Variants in RCL1 observed in about 807,000 individuals in gnomAD.
RCL1 encodes the protein RNA 3'-terminal phosphate cyclase-like protein.
Under a neutral mutation model 42.4 loss-of-function variants are expected in RCL1, and 24 were observed. The observed-to-expected ratio is 0.57, with a 90% CI of 0.41 to 0.80. The LOEUF (loss-of-function observed/expected upper bound fraction) is 0.80, where lower values mean the gene tolerates loss of function less well. Among genes scored for constraint, RCL1 ranks in the 30% least tolerant of loss-of-function variants. The probability of loss-of-function intolerance (pLI) is 0.00; values close to 1 mark genes in which losing one functional copy is unlikely to be tolerated. For missense variants in RCL1, 578 were observed against 467.9 expected, an observed-to-expected ratio of 1.24 and a Z score of -2.17; for synonymous variants, 228 against 177.3, an observed-to-expected ratio of 1.29 and a Z score of -2.27.
intron 1 of RCL1, among the ~76,000 whole-genome samples, chr9:4,814,298 T>G (rs1401715360): frequency 6.6e-6 from 1 of 151,322 alleles, no homozygotes; most frequent in African/African-American, 2.4e-5. Context: ...AAAAATTTTT[T>G]TTAGAGATAG....
intron 6 of RCL1, among the ~76,000 whole-genome samples, chr9:4,843,258 G>T (rs1361242385): frequency 1.3e-5 from 2 of 152,064 alleles, no homozygotes; most frequent in Non-Finnish European, 2.9e-5. Flanking sequence ...AGATGTAAGA[G>T]TTTATGTTGT....
chr9:4,812,922 T>TATC (rs1284903310), intron 1 of RCL1, among the ~76,000 whole-genome samples: 1 of 152,228 alleles, frequency 6.6e-6, no homozygotes, highest in Non-Finnish European at 1.5e-5. Flanking sequence ...ATTGATTTTA[T>TATC]ATCTTAGAAC....
intron 1 of RCL1, among the ~76,000 whole-genome samples, chr9:4,817,205 T>G (rs1218556301): frequency 6.6e-6 from 1 of 152,178 alleles, no homozygotes; most frequent in Non-Finnish European, 1.5e-5. Flanking sequence ...TGAAAAAAAT[T>G]CTTCTTGTCT....
At chr9:4,795,824 G>T (rs1462545386) in intron 1 of RCL1, among the ~76,000 whole-genome samples, 5 of 152,190 alleles carry the variant, frequency 3.3e-5, no homozygotes, top group African/African-American at 1.2e-4. Context: ...TATGTGCAAG[G>T]CTTTGTATGG....
At chr9:4,837,536 G>A (rs1469598801) in intron 5 of RCL1, among the ~76,000 whole-genome samples, 1 of 152,040 alleles carries the variant, frequency 6.6e-6, no homozygotes, top group Non-Finnish European at 1.5e-5. Context: ...TCTGTAGTCT[G>A]GAAATGTGAT....
intron 1 of RCL1, among the ~76,000 whole-genome samples, chr9:4,813,437 A>G (rs969733085): frequency 2.0e-5 from 3 of 152,248 alleles, no homozygotes; most frequent in South Asian, 2.1e-4. Context: ...ACATGAAAAA[A>G]TGTTCATCAT....
At chr9:4,824,788 G>C (rs1816705792) in intron 2 of RCL1, among the ~76,000 whole-genome samples, 1 of 152,216 alleles carries the variant, frequency 6.6e-6, no homozygotes, top group South Asian at 2.1e-4. Context: ...TTTCGGGAAT[G>C]AGATACTCAC....
Position 4,860,506 on chromosome 9 carries a change from C to G in RCL1, c.*231C>G. ...GAGGGGCCCAGTCACCATGAGAGCT[C>G]CCTTGCCTTACCTGGAGGAAGAATG... On this transcript the variant is annotated 3_prime_UTR_variant, in exon 9 of 9. Coordinates refer to ENST00000381750, the MANE Select transcript of RCL1 (RefSeq NM_005772.5). The G allele has an allele frequency of 2.1e-6, 1 of 487,246 alleles. No homozygotes were observed. Among genetic ancestry groups the G allele is most frequent in the Non-Finnish European group, 3.5e-6 (1 of 283,760 alleles). The allele number at this position is 487,246 out of a possible 1,614,324, so 30.2% of individuals were successfully genotyped here.
intron 8 of RCL1, among the ~76,000 whole-genome samples, chr9:4,853,313 C>T (rs1158144164): frequency 6.7e-6 from 1 of 149,564 alleles, no homozygotes; most frequent in Non-Finnish European, 1.5e-5. Context: ...GCTTCCCTTA[C>T]CCACTGTGCT....
chr9:4,805,834 C>G (rs1260176178), intron 1 of RCL1, among the ~76,000 whole-genome samples: 3 of 152,176 alleles, frequency 2.0e-5, no homozygotes, highest in Admixed American at 2.0e-4. Flanking sequence ...CCTTGTCAGT[C>G]TGGGGAACTC....
chr9:4,848,494 C>G (rs1817596542), intron 7 of RCL1, among the ~76,000 whole-genome samples: 1 of 152,210 alleles, frequency 6.6e-6, no homozygotes, highest in Non-Finnish European at 1.5e-5. Context: ...CTGCTGGCCA[C>G]CTATCCTGTT....
Position 4,833,246 on chromosome 9 carries a change from G to A in RCL1, c.459+18G>A, listed in dbSNP as rs371477134. ...AACTGAAGGTAAGAATGTTTGAACTGTTGACCATATGTTCCTGTGGAAAAC... is the reference window on the plus strand; with the variant it reads ...AACTGAAGGTAAGAATGTTTGAACTATTGACCATATGTTCCTGTGGAAAAC... On this transcript the variant is annotated intron_variant, in intron 4 of 8. Transcript: ENST00000381750. 1.3e-5 allele frequency: 20 copies of A among 1,582,612 alleles called. No homozygotes were observed. The highest frequency in any genetic ancestry group is 1.5e-5 in the Non-Finnish European group (17 of 1,151,442).
intron 1 of RCL1, among the ~76,000 whole-genome samples, chr9:4,814,174 C>T (rs141885971): frequency 3.2e-3 from 444 of 137,516 alleles, no homozygotes; most frequent in African/African-American, 0.01. Context: ...ATAAAATTTC[C>T]CCCATTCAGT....
At chr9:4,794,882 A>G (rs1482185234) in intron 1 of RCL1, among the ~76,000 whole-genome samples, 1 of 152,156 alleles carries the variant, frequency 6.6e-6, no homozygotes, top group African/African-American at 2.4e-5. Flanking sequence ...CTTTCTTGAA[A>G]GGGTGTCAGA....
intron 7 of RCL1, 131 bp downstream of exon 7, chr9:4,844,812 C>T (rs1817457866): frequency 4.6e-6 from 4 of 877,230 alleles, no homozygotes; most frequent in Non-Finnish European, 6.9e-6. Context: ...GTGCATTAAG[C>T]AGTTCAGCCT....
At chr9:4,837,217 T>C (rs558893442) in intron 5 of RCL1, among the ~76,000 whole-genome samples, 1 of 152,292 alleles carries the variant, frequency 6.6e-6, no homozygotes, top group African/African-American at 2.4e-5. Flanking sequence ...AACAGATGCA[T>C]TGTATTCCAC....
intron 7 of RCL1, 151 bp from the exon 8 acceptor site, chr9:4,849,296 G>T: frequency 1.6e-6 from 1 of 611,648 alleles, no homozygotes; most frequent in Non-Finnish European, 2.9e-6. Context: ...TTGATACAAT[G>T]ATTACTCTTA....
At chr9:4,852,465 C>G (rs1817784679) in intron 8 of RCL1, among the ~76,000 whole-genome samples, 1 of 152,158 alleles carries the variant, frequency 6.6e-6, no homozygotes, top group Non-Finnish European at 1.5e-5. Flanking sequence ...ACTGCAGTTA[C>G]CAGAGCTCTC....
intron 8 of RCL1, among the ~76,000 whole-genome samples, chr9:4,857,775 T>C (rs1818012635): frequency 1.3e-5 from 2 of 152,210 alleles, no homozygotes; most frequent in Admixed American, 6.5e-5. Flanking sequence ...CCCACACTTT[T>C]GTTATTGTAT....
Sources: allele counts gnomAD v4.1 joint callset (sites outside exome capture counted in the v4.1 genomes callset), GRCh38; gene constraint gnomAD v4.1.1; transcripts MANE v1.5; gene names NCBI Gene and HGNC (gene_info 2026-07-23, HGNC 2026-07-21).